KANSL2: variants seen among roughly 807,000 people sequenced by gnomAD.
The protein encoded by KANSL2 is KAT8 regulatory NSL complex subunit 2, also known as NSL complex protein NSL2.
KANSL2 carries 34 observed loss-of-function variants against 55.6 expected under a neutral mutation model. That is an observed-to-expected ratio of 0.61 (90% CI 0.46 to 0.81). KANSL2 has a LOEUF of 0.81. Ranked by LOEUF, KANSL2 falls within the 40% of genes least tolerant of loss-of-function variation. The probability of loss-of-function intolerance (pLI) is 0.00; values close to 1 mark genes in which losing one functional copy is unlikely to be tolerated. For missense variants in KANSL2, 502 were observed against 609.9 expected, an observed-to-expected ratio of 0.82 and a Z score of 1.86; for synonymous variants, 209 against 214.3, an observed-to-expected ratio of 0.98 and a Z score of 0.22.
At chr12:48,671,766 A>AC (rs1939718414) in intron 5 of KANSL2, 33 bp downstream of exon 5, 2 of 1,588,224 alleles carry the variant, frequency 1.3e-6, no homozygotes, top group East Asian at 2.2e-5. Flanking sequence ...TGTTAAACCC[A>AC]CAACAGCTTG....
In KANSL2 at chr12:48,660,483, C is replaced by T. The variant is rs780890886; in HGVS notation, c.1110G>A (p.Met370Ile). ...CAGACAGTACCTGCTCGGGCTTATA[C>T]ATCTGAGGAGGCAACTGGAAATGCA... ...CPLHFQLPPQ[M>I]YKPEQVLSVP... The change falls in exon 8 of 10, where the codon ATG becomes ATA. Residue 370 changes from methionine (M) to isoleucine (I), a missense_variant. Physicochemically the swap from Met to Ile is conservative, Grantham distance 10 (BLOSUM62 1). Transcript: ENST00000420613. The T allele has an allele frequency of 3.7e-6, 6 of 1,613,718 alleles. No homozygotes were observed. The highest frequency in any genetic ancestry group is 1.3e-5 in the African/African-American group (1 of 74,916).
At chr12:48,672,434 T>TACG (rs71080136) in intron 4 of KANSL2, among the ~76,000 whole-genome samples, 1 of 98,032 alleles carries the variant, frequency 1.0e-5, no homozygotes, top group Non-Finnish European at 2.1e-5. Flanking sequence ...TATATATATA[T>TACG]TTTTTTTTTG....
At chr12:48,659,586 G>C (rs2137178409) in intron 8 of KANSL2, among the ~76,000 whole-genome samples, 1 of 151,998 alleles carries the variant, frequency 6.6e-6, no homozygotes, top group African/African-American at 2.4e-5. Context: ...TCATGCCACT[G>C]CACTCCAGCC....
In KANSL2 at chr12:48,681,376, A is replaced by G. The variant is rs201282379; in HGVS notation, c.251+6T>C. Reference sequence around the variant, plus strand: ...AAAAACGACATATATATCTATACATATATACCCATCTTTCTTCTCTGGCTT... The same window carrying G: ...AAAAACGACATATATATCTATACATGTATACCCATCTTTCTTCTCTGGCTT... On this transcript the variant is annotated splice_donor_region_variant and intron_variant, in intron 2 of 9. Transcript: ENST00000420613. 180 of 1,609,774 alleles carry G rather than the reference A, an allele frequency of 1.1e-4. 3 individuals carry two copies. In the East Asian group the frequency reaches 4.0e-3, roughly 36 times the overall value.
intron 4 of KANSL2, among the ~76,000 whole-genome samples, chr12:48,677,953 G>A (rs781509924): frequency 1.7e-4 from 26 of 152,100 alleles, no homozygotes; most frequent in Non-Finnish European, 2.6e-4. Flanking sequence ...AATAGAAATG[G>A]ATGAAATTAT....
intron 8 of KANSL2, among the ~76,000 whole-genome samples, chr12:48,657,625 CGTGT>C (rs1176951387): frequency 1.3e-5 from 2 of 151,546 alleles, no homozygotes; most frequent in South Asian, 2.1e-4. Context: ...TGTGTGCGTG[CGTGT>C]GTGTGAGACA....
intron 3 of KANSL2, 148 bp downstream of exon 3, chr12:48,679,507 T>C (rs1476110865): frequency 5.9e-6 from 4 of 677,520 alleles, no homozygotes; most frequent in Non-Finnish European, 9.8e-6. Context: ...TCAAAAGAAC[T>C]GGTAAACAAC....
In KANSL2 at chr12:48,653,434, A is replaced by G. The variant is rs1174921007; in HGVS notation, c.*610T>C. The G allele has an allele frequency of 6.5e-6, 1 of 152,678 alleles. No homozygotes were observed. The highest frequency in any genetic ancestry group is 1.5e-5 in the Non-Finnish European group (1 of 68,052). 9.5% of individuals were successfully genotyped at this position (152,678 alleles called of 1,614,324 possible). ...ATTCAGGTGACTGTTTGATATTTTCATAACATTTTCTTTAACATTTAATAG... is the reference window on the plus strand; with the variant it reads ...ATTCAGGTGACTGTTTGATATTTTCGTAACATTTTCTTTAACATTTAATAG... On this transcript the variant is annotated 3_prime_UTR_variant, in exon 10 of 10. Coordinates refer to ENST00000420613, the MANE Select transcript of KANSL2 (RefSeq NM_017822.4).
intron 8 of KANSL2, among the ~76,000 whole-genome samples, chr12:48,659,650 A>C (rs1939452810): frequency 6.6e-6 from 1 of 152,140 alleles, no homozygotes; most frequent in Admixed American, 6.5e-5. Flanking sequence ...AAAAATGATA[A>C]CTAAGCTGGG....
chr12:48,666,331 T>G (rs574746675), intron 7 of KANSL2, among the ~76,000 whole-genome samples: 2 of 151,708 alleles, frequency 1.3e-5, no homozygotes, highest in Non-Finnish European at 2.9e-5. Context: ...ACTGGCAGAC[T>G]GCTTAAGCCC....
At chr12:48,673,011 G>A (rs4760739) in intron 4 of KANSL2, among the ~76,000 whole-genome samples, 42,412 of 151,688 alleles carry the variant, frequency 0.28, 7,162 homozygotes, top group East Asian at 0.76. Context: ...TTCCAGCCTC[G>A]GCCTCCCAAA....
At chr12:48,677,305 C>T (rs1486350320) in intron 4 of KANSL2, among the ~76,000 whole-genome samples, 1 of 152,162 alleles carries the variant, frequency 6.6e-6, no homozygotes, top group South Asian at 2.1e-4. Context: ...CAGCAGCCTC[C>T]TGTAAGTTAA....
In KANSL2 at chr12:48,668,992, C is replaced by T. The variant is rs1284322416; in HGVS notation, c.876+114G>A. ...CAGAGGTTGAGAGATCTCAGTGAGC[C>T]GACATCGCACCACTGCACTCCAGCC... On this transcript the variant is annotated intron_variant, in intron 6 of 9. Coordinates refer to ENST00000420613, the MANE Select transcript of KANSL2 (RefSeq NM_017822.4). 8 of 727,010 alleles carry T rather than the reference C, an allele frequency of 1.1e-5. No individual in the cohort carries two copies. In the Admixed American group the frequency reaches 1.2e-4, roughly 11 times the overall value. 45.0% of individuals were successfully genotyped at this position (727,010 alleles called of 1,614,324 possible).
At chr12:48,663,526 T>A (rs1190712331) in intron 7 of KANSL2, among the ~76,000 whole-genome samples, 3 of 152,158 alleles carry the variant, frequency 2.0e-5, no homozygotes, top group Non-Finnish European at 2.9e-5. Context: ...CATTTTCTTC[T>A]GCCTCTGTCA....
At chr12:48,666,348 T>C (rs1939599151) in intron 7 of KANSL2, among the ~76,000 whole-genome samples, 1 of 151,998 alleles carries the variant, frequency 6.6e-6, no homozygotes, top group South Asian at 2.1e-4. Context: ...GCCCAGCAGT[T>C]TGAGACCAGC....
chr12:48,681,285 G>A (rs1939920920), intron 2 of KANSL2, 97 bp downstream of exon 2: 5 of 1,409,400 alleles, frequency 3.5e-6, no homozygotes, highest in Admixed American at 2.5e-5. Flanking sequence ...AATTTACAAG[G>A]ACAAAATCTC....
At chr12:48,658,805 T>C (rs1485306603) in intron 8 of KANSL2, 3 of 151,986 alleles carry the variant, frequency 2.0e-5, no homozygotes, top group Non-Finnish European at 2.9e-5. Flanking sequence ...TGTTACTATC[T>C]CCAAAACCAG....
chr12:48,671,885 A>G lies in KANSL2; in HGVS notation c.623T>C (p.Ile208Thr). 6.2e-7 allele frequency: 1 copy of G among 1,612,862 alleles called. No individual in the cohort carries two copies. The highest frequency in any genetic ancestry group is 8.5e-7 in the Non-Finnish European group (1 of 1,179,074). Residue 208 changes from isoleucine to threonine, a missense_variant, in exon 5 of 10, where the codon ATT (isoleucine) becomes ACT (threonine). Physicochemically the swap from Ile to Thr is moderately conservative, Grantham distance 89. Transcript: ENST00000420613. ...ATGCTGAAGTCGTTTAAACTGATCA[A>G]TATACAACGACTGCAAACGAATTAG... is the stretch of plus-strand genomic sequence containing the variant. ...EKLIRLQSLY[I>T]DQFKRLQHLL...
chr12:48,669,058 A>C, intron 6 of KANSL2, 48 bp downstream of exon 6: 1 of 1,391,658 alleles, frequency 7.2e-7, no homozygotes, highest in Non-Finnish European at 9.5e-7. Flanking sequence ...AAATAAAAAC[A>C]ATAAATAAAG....
Sources: allele counts gnomAD v4.1 joint callset (sites outside exome capture counted in the v4.1 genomes callset), GRCh38; gene constraint gnomAD v4.1.1; transcripts MANE v1.5; gene names NCBI Gene and HGNC (gene_info 2026-07-23, HGNC 2026-07-21).